Variants in CASP4 observed in about 807,000 individuals in gnomAD.
CASP4 encodes the protein caspase-4.
CASP4 carries 29 observed loss-of-function variants against 41.3 expected under a neutral mutation model. The ratio of observed to expected loss-of-function variants is 0.70; its 90% CI spans 0.52 to 0.96. The LOEUF is 0.96. CASP4 is among the 40% of genes least tolerant of loss of function. The pLI, the probability that CASP4 is intolerant of heterozygous loss-of-function variation, is 0.00. For missense variants in CASP4, 447 were observed against 460.6 expected (o/e 0.97, Z 0.27); for synonymous variants, 185 against 158.4 (o/e 1.17, Z -1.26).
intron 6 of CASP4, 22 bp downstream of exon 6, chr11:104,948,511 A>G: frequency 6.4e-7 from 1 of 1,564,714 alleles, no homozygotes; most frequent in Non-Finnish European, 8.7e-7. Flanking sequence ...CAAATCCCTT[A>G]CTGCCACTGA....
intron 1 of CASP4, among the ~76,000 whole-genome samples, chr11:104,963,302 T>C (rs556153173): frequency 6.6e-6 from 1 of 152,294 alleles, no homozygotes; most frequent in Admixed American, 6.5e-5. Flanking sequence ...GGCACTAAGA[T>C]AACTTTTGGT....
chr11:104,944,362 CTCTCTCTGTG>C (rs751999064), intron 8 of CASP4: 53 of 104,846 alleles, frequency 5.1e-4, no homozygotes, highest in South Asian at 2.5e-3. Flanking sequence ...CTCTCTCTCT[CTCTCTCTGTG>C]TGTGTGTGTG....
intron 1 of CASP4, among the ~76,000 whole-genome samples, chr11:104,963,686 A>T (rs995848821): frequency 6.6e-6 from 1 of 152,224 alleles, no homozygotes; most frequent in East Asian, 1.9e-4. Context: ...TGCCTGACTG[A>T]GAGATGAGAC....
chr11:104,947,271 T>C (rs1392436223), intron 6 of CASP4, 79 bp from the exon 7 acceptor site: 2 of 866,930 alleles, frequency 2.3e-6, no homozygotes, highest in Non-Finnish European at 3.6e-6. Context: ...TGAGAATGTT[T>C]TTAAAAAGAA....
chr11:104,945,447 G>A (rs1860433219), intron 7 of CASP4, among the ~76,000 whole-genome samples: 1 of 151,910 alleles, frequency 6.6e-6, no homozygotes, highest in Non-Finnish European at 1.5e-5. Context: ...TAGTAGAGAC[G>A]TGGTTTCACT....
At chr11:104,944,671 C>G (rs1860409664) in intron 8 of CASP4, 77 bp downstream of exon 8, 1 of 918,860 alleles carries the variant, frequency 1.1e-6, no homozygotes, top group Non-Finnish European at 1.8e-6. Context: ...ACTCAGCTGT[C>G]ATTTGTCATT....
intron 1 of CASP4, among the ~76,000 whole-genome samples, chr11:104,964,955 A>C (rs1860940287): frequency 6.6e-6 from 1 of 152,246 alleles, no homozygotes; most frequent in South Asian, 2.1e-4. Context: ...TAATCAGGCC[A>C]AGTACAGTAA....
intron 5 of CASP4, 85 bp downstream of exon 5, chr11:104,949,458 G>A: frequency 1.4e-6 from 2 of 1,388,962 alleles, no homozygotes; most frequent in Admixed American, 1.7e-5. Flanking sequence ...TGAGGTTTAA[G>A]AATGTTGCCC....
chr11:104,943,536 G>C (rs1860376012), intron 8 of CASP4: 1 of 152,350 alleles, frequency 6.6e-6, no homozygotes, highest in Non-Finnish European at 1.5e-5. Flanking sequence ...GTTTTCCTTT[G>C]TCTTCCTTTA....
intron 1 of CASP4, among the ~76,000 whole-genome samples, chr11:104,960,942 T>C (rs1046840241): frequency 1.3e-5 from 2 of 152,250 alleles, no homozygotes; most frequent in African/African-American, 4.8e-5. Flanking sequence ...ACTGAATCAG[T>C]AGTCAAGTCC....
intron 1 of CASP4, among the ~76,000 whole-genome samples, chr11:104,966,003 A>G (rs1426756723): frequency 1.3e-5 from 2 of 152,168 alleles, no homozygotes; most frequent in Non-Finnish European, 1.5e-5. Flanking sequence ...CTGAGTAATC[A>G]GCACTTCCTA....
chr11:104,965,906 T>A (rs1281449003), intron 1 of CASP4, among the ~76,000 whole-genome samples: 1 of 152,070 alleles, frequency 6.6e-6, no homozygotes. Flanking sequence ...AAACCAGTAA[T>A]CTAACCCAAC....
chr11:104,951,594 A>G (rs951944413), intron 3 of CASP4: 13 of 417,264 alleles, frequency 3.1e-5, no homozygotes, highest in Non-Finnish European at 4.9e-5. Flanking sequence ...TTATCCTCCA[A>G]ATATGTTTAT....
At chr11:104,953,641 A>G (rs925852496) in intron 2 of CASP4, among the ~76,000 whole-genome samples, 2 of 152,172 alleles carry the variant, frequency 1.3e-5, no homozygotes, top group Admixed American at 6.6e-5. Flanking sequence ...TGCTGATTGA[A>G]AAAGCTCATT....
At chr11:104,944,393 T>A (rs539756190) in intron 8 of CASP4, 1 of 189,178 alleles carries the variant, frequency 5.3e-6, no homozygotes, top group African/African-American at 2.5e-5. Flanking sequence ...TGTGTGTGTG[T>A]GTAAGAAAGG....
At chr11:104,948,003 T>TA (rs1860505431) in intron 6 of CASP4, 1 of 152,134 alleles carries the variant, frequency 6.6e-6, no homozygotes, top group Non-Finnish European at 1.5e-5. Context: ...AAAGTGGTTT[T>TA]AAAAAATAAG....
rs148070195 is a variant in CASP4, at chr11:104,943,247, G to A, written c.*6-274C>T. On this transcript the variant is annotated intron_variant, in intron 8 of 8. Coordinates refer to ENST00000444739, the MANE Select transcript of CASP4 (RefSeq NM_001225.4). Reference sequence around the variant, plus strand: ...TTACCATGTGATAACATAGAACCACGCGATCTGGCTTCTCACTGCTTCTCC... The same window carrying A: ...TTACCATGTGATAACATAGAACCACACGATCTGGCTTCTCACTGCTTCTCC... The A allele has an allele frequency of 2.3e-3, 619 of 263,600 alleles. 1 individual carries two copies. Among genetic ancestry groups the A allele is most frequent in the Non-Finnish European group, 3.5e-3 (467 of 133,546 alleles). 16.3% of individuals were successfully genotyped at this position (263,600 alleles called of 1,614,324 possible).
intron 1 of CASP4, among the ~76,000 whole-genome samples, chr11:104,962,566 A>G (rs1359151820): frequency 1.3e-5 from 2 of 152,174 alleles, no homozygotes; most frequent in African/African-American, 4.8e-5. Context: ...CAGGCTGGCC[A>G]ATTATAATGG....
In CASP4 at chr11:104,947,136, T is replaced by G. The variant is rs368367115; in HGVS notation, c.982A>C (p.Thr328Pro). ...MGSIFITQLITCFQKYSWCCH... is the reference protein window; with the variant it reads ...MGSIFITQLIPCFQKYSWCCH... ...CACCAAGAATATTTCTGGAAGCATG[T>G]GATGAGTTGTGTGATGAAGATAGAG... Residue 328 changes from threonine to proline, a missense_variant, in exon 7 of 9, where the codon ACA becomes CCA. Thr to Pro is a conservative substitution (Grantham distance 38). Transcript: ENST00000444739. 1.3e-5 allele frequency: 21 copies of G among 1,613,098 alleles called. No homozygotes were observed. The highest frequency in any genetic ancestry group is 3.3e-5 in the Admixed American group (2 of 59,968).
Sources: allele counts gnomAD v4.1 joint callset (sites outside exome capture counted in the v4.1 genomes callset), GRCh38; gene constraint gnomAD v4.1.1; transcripts MANE v1.5; gene names NCBI Gene and HGNC (gene_info 2026-07-23, HGNC 2026-07-21).